The following FKTN variants were observed in gnomAD, a reference collection of about 807,000 sequenced individuals.
FKTN encodes ribitol-5-phosphate transferase FKTN.
In FKTN, 47 loss-of-function variants were observed where a neutral mutation model predicts 58.6. The ratio of observed to expected loss-of-function variants is 0.80; its 90% CI spans 0.63 to 1.02. FKTN has a LOEUF of 1.02. Among genes scored for constraint, FKTN ranks in the 50% least tolerant of loss-of-function variants. The pLI, the probability that FKTN is intolerant of heterozygous loss-of-function variation, is 0.00. For synonymous variants in FKTN, 178 were observed against 191.9 expected, an observed-to-expected ratio of 0.93 and a Z score of 0.60; for missense variants, 516 against 537.3, an observed-to-expected ratio of 0.96 and a Z score of 0.39.
intron 1 of FKTN, among the ~76,000 whole-genome samples, chr9:105,563,592 C>T (rs560540013): frequency 3.9e-5 from 5 of 129,322 alleles, no homozygotes; most frequent in African/African-American, 1.2e-4. Flanking sequence ...AACGTGGCAG[C>T]GAGGCTGGGG....
intron 4 of FKTN, chr9:105,598,206 T>C (rs761695818): frequency 3.1e-5 from 13 of 425,142 alleles, no homozygotes; most frequent in South Asian, 2.3e-4. Context: ...TATACTCTTT[T>C]ACATTGAGGG....
intron 10 of FKTN, among the ~76,000 whole-genome samples, chr9:105,630,097 T>C (rs1349774273): frequency 6.6e-6 from 1 of 152,074 alleles, no homozygotes; most frequent in Non-Finnish European, 1.5e-5. Context: ...ATATACCTAA[T>C]GTAAAGGACG....
intron 1 of FKTN, among the ~76,000 whole-genome samples, chr9:105,568,731 C>T (rs186444840): frequency 0.011 from 1,643 of 152,272 alleles, 19 homozygotes; most frequent in Non-Finnish European, 0.015. Context: ...GACAGTGTGG[C>T]GATTCCTCTG....
chr9:105,639,391 A>T lies in FKTN; in HGVS notation c.*4127A>T. ...ATTTCAGCTTAATCATGTGGGATTT[A>T]TGGTGGGGGCCCTTTCAGTCTCAAT... On this transcript the variant is annotated 3_prime_UTR_variant, in exon 11 of 11. Coordinates refer to ENST00000357998, the MANE Select transcript of FKTN (RefSeq NM_001079802.2). 5.4e-6 allele frequency: 4 copies of T among 739,506 alleles called. No homozygotes were observed. The highest frequency in any genetic ancestry group is 6.6e-6 in the Non-Finnish European group (4 of 605,518). The allele number at this position is 739,506 out of a possible 1,614,324, so 45.8% of individuals were successfully genotyped here. A position where few individuals can be genotyped will look rare whatever the true frequency, so the allele number is the denominator to read the frequency against.
chr9:105,559,672 G>A (rs1837906839), intron 1 of FKTN, among the ~76,000 whole-genome samples: 3 of 150,152 alleles, frequency 2.0e-5, no homozygotes. Context: ...CAACAAGAGC[G>A]AAACTCTGTC....
Position 105,640,946 on chromosome 9 carries a change from T to TA in FKTN, c.*5683dup, listed in dbSNP as rs1259171936. On this transcript the variant is annotated 3_prime_UTR_variant, in exon 11 of 11. Coordinates refer to ENST00000357998, the MANE Select transcript of FKTN (RefSeq NM_001079802.2). Reference sequence around the variant, plus strand: ...ATATATGAATTTCTAAACAAAGTGATATTTTAAAGATGAATTGATTCAATG... The same window carrying TA: ...ATATATGAATTTCTAAACAAAGTGATAATTTTAAAGATGAATTGATTCAATG... 1 of 152,224 alleles carries TA rather than the reference T, an allele frequency of 6.6e-6. No individual in the cohort carries two copies. The highest frequency in any genetic ancestry group is 1.5e-5 in the Non-Finnish European group (1 of 68,026). 9.4% of individuals were successfully genotyped at this position (152,224 alleles called of 1,614,324 possible). A position where few individuals can be genotyped will look rare whatever the true frequency, so the allele number is the denominator to read the frequency against.
chr9:105,627,374 C>A (rs1436236736), intron 10 of FKTN, among the ~76,000 whole-genome samples: 2 of 152,128 alleles, frequency 1.3e-5, no homozygotes, highest in Non-Finnish European at 1.5e-5. Context: ...TTTAAGAAAT[C>A]TTTCCCTATC....
intron 1 of FKTN, among the ~76,000 whole-genome samples, chr9:105,561,501 T>A (rs1838300752): frequency 6.6e-6 from 1 of 152,122 alleles, no homozygotes; most frequent in Non-Finnish European, 1.5e-5. Flanking sequence ...CCAAAGACAA[T>A]CCTTGCTGTC....
rs140538650 is a variant in FKTN at position 105,567,951 on chromosome 9, A to C, written c.-180-5704A>C. ...ACTGGTACCAAAACAGAGATATAGA[A>C]CAATGGAACAGAACGGAGCCCTCAG... On this transcript the variant is annotated intron_variant, in intron 1 of 10. Transcript: ENST00000357998. Among the ~76,000 whole-genome samples the C allele has an allele frequency of 9.0e-3, 1,375 of 152,074 alleles. 21 individuals are homozygous for C. The highest frequency in any genetic ancestry group is 0.032 in the African/African-American group (1,313 of 41,468).
chr9:105,603,304 C>T (rs1828232174), intron 5 of FKTN, among the ~76,000 whole-genome samples: 1 of 152,110 alleles, frequency 6.6e-6, no homozygotes, highest in Non-Finnish European at 1.5e-5. Context: ...TCAGTCAGTG[C>T]TTTCTACTTC....
intron 3 of FKTN, among the ~76,000 whole-genome samples, chr9:105,594,352 GA>G (rs1019456502): frequency 7.9e-5 from 12 of 152,156 alleles, no homozygotes; most frequent in African/African-American, 2.9e-4. Flanking sequence ...GGAGGTGTTA[GA>G]AAAAAGGGGG....
intron 8 of FKTN, among the ~76,000 whole-genome samples, chr9:105,616,780 C>T (rs1028647828): frequency 1.3e-5 from 2 of 151,086 alleles, no homozygotes; most frequent in Admixed American, 6.6e-5. Context: ...TATGTTGGTA[C>T]AACAGGCATA....
intron 10 of FKTN, among the ~76,000 whole-genome samples, chr9:105,631,455 A>G (rs1032629684): frequency 5.3e-5 from 8 of 152,158 alleles, no homozygotes; most frequent in African/African-American, 1.9e-4. Context: ...ACTTAAGTTT[A>G]AAAAAGCCAG....
intron 3 of FKTN, among the ~76,000 whole-genome samples, chr9:105,595,465 A>G (rs960348997): frequency 1.3e-5 from 2 of 152,218 alleles, no homozygotes; most frequent in African/African-American, 2.4e-5. Flanking sequence ...AAGTAGCTGT[A>G]TTACAATGTT....
intron 3 of FKTN, among the ~76,000 whole-genome samples, chr9:105,586,814 T>C (rs1032798062): frequency 2.0e-5 from 3 of 152,228 alleles, no homozygotes; most frequent in African/African-American, 7.2e-5. Context: ...TTTTAAGGTT[T>C]ACATTGCAGT....
chr9:105,571,235 G>C (rs1011161498), intron 1 of FKTN, among the ~76,000 whole-genome samples: 1 of 152,112 alleles, frequency 6.6e-6, no homozygotes, highest in Non-Finnish European at 1.5e-5. Flanking sequence ...TAGAATGACA[G>C]TGAAGAAGGA....
chr9:105,599,598 G>T (rs1295646493), intron 4 of FKTN, among the ~76,000 whole-genome samples: 1 of 150,926 alleles, frequency 6.6e-6, no homozygotes, highest in Non-Finnish European at 1.5e-5. Flanking sequence ...CCACCTCCCG[G>T]GTTCAAGTGA....
chr9:105,579,910 C>T (rs1842542908), intron 3 of FKTN, among the ~76,000 whole-genome samples: 1 of 151,806 alleles, frequency 6.6e-6, no homozygotes, highest in Non-Finnish European at 1.5e-5. Context: ...GATCCCTTTA[C>T]CATTATGTAA....
intron 10 of FKTN, among the ~76,000 whole-genome samples, chr9:105,629,244 C>T (rs1833108115): frequency 6.6e-6 from 1 of 152,056 alleles, no homozygotes; most frequent in Non-Finnish European, 1.5e-5. Flanking sequence ...AGATAAAAAA[C>T]AGTTTGTGAC....
Sources: allele counts gnomAD v4.1 joint callset (sites outside exome capture counted in the v4.1 genomes callset), GRCh38; gene constraint gnomAD v4.1.1; transcripts MANE v1.5; gene names NCBI Gene and HGNC (gene_info 2026-07-23, HGNC 2026-07-21).